The following RGPD4 variants were observed in gnomAD, a reference collection of about 807,000 sequenced individuals.
The protein encoded by RGPD4 is ranBP2-like and GRIP domain-containing protein 4.
In RGPD4, 84 loss-of-function variants were observed where a neutral mutation model predicts 141.1. The observed-to-expected ratio is 0.60, with a 90% CI of 0.50 to 0.71. RGPD4 has a LOEUF of 0.71. Among genes scored for constraint, RGPD4 ranks in the 30% least tolerant of loss-of-function variants. RGPD4 has a pLI of 0.00. For missense variants in RGPD4, 918 were observed against 1,622.4 expected, an observed-to-expected ratio of 0.57 and a Z score of 7.46; for synonymous variants, 298 against 566.8, an observed-to-expected ratio of 0.53 and a Z score of 6.74.
intron 8 of RGPD4, 98 bp downstream of exon 8, chr2:107,854,741 T>G: frequency 6.5e-7 from 1 of 1,539,616 alleles, no homozygotes; most frequent in Non-Finnish European, 8.7e-7. Context: ...GGAGATAATT[T>G]GTCAAAATTA....
At chr2:107,828,707 G>T (rs1484556620) in intron 1 of RGPD4, among the ~76,000 whole-genome samples, 1 of 35,560 alleles carries the variant, frequency 2.8e-5, no homozygotes, top group East Asian at 4.8e-4. Flanking sequence ...CAGCGGCCTC[G>T]ACCTGGCCGG....
In RGPD4 at chr2:107,856,532, C is replaced by CT. The variant is rs1457786461; in HGVS notation, c.1067-222dup. On this transcript the variant is annotated intron_variant, in intron 8 of 22. Coordinates refer to ENST00000408999, the MANE Select transcript of RGPD4 (RefSeq NM_182588.3). ...TGGCATTTTTCATACACATTCCTGT[C>CT]TTTTTTCCCCCTTCTGCTGTCTTAT... Among the ~76,000 whole-genome samples the CT allele has an allele frequency of 2.0e-5, 3 of 152,408 alleles. No individual in the cohort carries two copies. In the South Asian group the frequency reaches 6.2e-4, roughly 32 times the overall value.
At position 107,846,477 on chromosome 2, in the gene RGPD4, T is replaced by G. The variant is rs576534654; in HGVS notation, c.783-1864T>G. Among the ~76,000 whole-genome samples the G allele has an allele frequency of 2.6e-3, 395 of 151,922 alleles. 6 individuals are homozygous for G. The highest frequency in any genetic ancestry group is 8.3e-3 in the African/African-American group (342 of 41,230). On this transcript the variant is annotated intron_variant, in intron 6 of 22. Coordinates refer to ENST00000408999, the MANE Select transcript of RGPD4 (RefSeq NM_182588.3). ...ACTGTGTGTTAATAATTATAGCTTTTTTTTTTGAGACGGAGTTTTGCTCTT... is the reference window on the plus strand; with the variant it reads ...ACTGTGTGTTAATAATTATAGCTTTGTTTTTTGAGACGGAGTTTTGCTCTT...
chr2:107,854,744 C>G, intron 8 of RGPD4, 101 bp downstream of exon 8: 1 of 1,527,562 alleles, frequency 6.5e-7, no homozygotes, highest in Non-Finnish European at 8.8e-7. Context: ...GATAATTTGT[C>G]AAAATTATTT....
chr2:107,871,927 A>G lies in RGPD4; in HGVS notation c.3923A>G (p.Lys1308Arg). The G allele has an allele frequency of 6.2e-7, 1 of 1,611,588 alleles. No individual in the cohort carries two copies. The highest frequency in any genetic ancestry group is 8.5e-7 in the Non-Finnish European group (1 of 1,179,846). Residue 1308 changes from lysine to arginine, a missense_variant, in exon 20 of 23, where the codon AAG (lysine) becomes AGG (arginine). Physicochemically the swap from Lys to Arg is conservative, Grantham distance 26. Transcript: ENST00000408999. ...TTGAGTCCATCTAAGTCTCCTGCCA[A>G]GTTGAATCAGAGTGGGACTTCAGTT... ...SALSPSKSPAKLNQSGTSVGT... is the reference protein window; with the variant it reads ...SALSPSKSPARLNQSGTSVGT...
At chr2:107,865,052 TCAG>T (rs1558809560) in intron 17 of RGPD4, among the ~76,000 whole-genome samples, 1 of 135,132 alleles carries the variant, frequency 7.4e-6, no homozygotes, top group African/African-American at 2.8e-5. Context: ...TTAGTTTTCT[TCAG>T]CAGAGATCAG....
chr2:107,884,430 T>C (rs1675455084), intron 22 of RGPD4, among the ~76,000 whole-genome samples: 2 of 151,176 alleles, frequency 1.3e-5, no homozygotes, highest in African/African-American at 4.9e-5. Context: ...ATAACAATTA[T>C]ATATATAAAT....
At chr2:107,881,466 C>T (rs1250981358) in intron 21 of RGPD4, among the ~76,000 whole-genome samples, 5 of 151,834 alleles carry the variant, frequency 3.3e-5, no homozygotes, top group African/African-American at 4.9e-5. Flanking sequence ...TGCAGGCACG[C>T]ACCACCATGC....
chr2:107,849,059 T>G (rs1682038785), intron 7 of RGPD4, among the ~76,000 whole-genome samples: 1 of 124,370 alleles, frequency 8.0e-6, no homozygotes, highest in Non-Finnish European at 1.7e-5. Flanking sequence ...TATTTTTTAT[T>G]TTTTTATTTT....
chr2:107,832,528 G>A (rs558547447), intron 1 of RGPD4, among the ~76,000 whole-genome samples: 5 of 116,328 alleles, frequency 4.3e-5, no homozygotes, highest in Admixed American at 1.6e-4. Flanking sequence ...CACAACCTCC[G>A]CCTCCCGGGT....
intron 6 of RGPD4, among the ~76,000 whole-genome samples, chr2:107,846,226 G>A (rs1254072094): frequency 6.7e-6 from 1 of 149,366 alleles, no homozygotes; most frequent in South Asian, 2.1e-4. Flanking sequence ...GCGCCCGGCT[G>A]GTCTCGATCT....
Position 107,854,056 on chromosome 2 carries a change from T to C in RGPD4, c.979-500T>C, listed in dbSNP as rs1013807868. Among the ~76,000 whole-genome samples, 27 of 136,996 alleles carry C rather than the reference T, an allele frequency of 2.0e-4. 1 individual carries two copies. In the Middle Eastern group the frequency reaches 0.012, roughly 62 times the overall value. 89.9% of individuals were successfully genotyped at this position (136,996 alleles called of 152,430 possible). On this transcript the variant is annotated intron_variant, in intron 7 of 22. Transcript: ENST00000408999. ...GAGCCAACATGTCTGGCCCCTCTCTTTTTTTTTTTTTTTTTTGCGATGGAG... is the reference window on the plus strand; with the variant it reads ...GAGCCAACATGTCTGGCCCCTCTCTCTTTTTTTTTTTTTTTTGCGATGGAG...
intron 6 of RGPD4, among the ~76,000 whole-genome samples, chr2:107,847,804 G>A (rs1488164958): frequency 5.4e-5 from 4 of 73,810 alleles, no homozygotes; most frequent in Non-Finnish European, 7.4e-5. Context: ...CAGCCCAGGC[G>A]ATAGTGAGAG....
At position 107,883,234 on chromosome 2, in the gene RGPD4, C is replaced by A. The variant is rs10169113; in HGVS notation, c.5266+361C>A. On this transcript the variant is annotated intron_variant, in intron 22 of 22. Transcript: ENST00000408999. ...AGCTTGTTCCTTTTCTACTTCACCC[C>A]TCTTCCTTCCTCCAACCCCAAATAG... The A allele has an allele frequency of 5.2e-3, 2,289 of 439,618 alleles. 81 individuals are homozygous for A. Among genetic ancestry groups the A allele is most frequent in the African/African-American group, 0.043 (2,107 of 49,158 alleles). The allele number at this position is 439,618 out of a possible 1,614,324, so 27.2% of individuals were successfully genotyped here.
At chr2:107,844,642 T>A (rs1206035941) in intron 6 of RGPD4, among the ~76,000 whole-genome samples, 3 of 129,904 alleles carry the variant, frequency 2.3e-5, no homozygotes, top group Non-Finnish European at 3.3e-5. Context: ...CCTAAATTGG[T>A]AGGGTAAGAA....
At chr2:107,836,801 C>T (rs1681680700) in intron 2 of RGPD4, 132 bp downstream of exon 2, 1 of 412,430 alleles carries the variant, frequency 2.4e-6, no homozygotes, top group Admixed American at 4.8e-5. Context: ...ATTTATCACT[C>T]AGACTGATGC....
intron 6 of RGPD4, among the ~76,000 whole-genome samples, chr2:107,844,472 A>G (rs1681845451): frequency 6.6e-6 from 1 of 152,244 alleles, no homozygotes; most frequent in Non-Finnish European, 1.5e-5. Flanking sequence ...GTAAAGCCAG[A>G]TTAGTAATCT....
intron 9 of RGPD4, among the ~76,000 whole-genome samples, chr2:107,858,451 T>G (rs202061179): frequency 0.089 from 5,871 of 66,074 alleles, no homozygotes; most frequent in Middle Eastern, 0.14. Flanking sequence ...TTCTTTTCTT[T>G]TTTTTGAGAC....
chr2:107,849,362 CTT>C (rs60901392), intron 7 of RGPD4, among the ~76,000 whole-genome samples: 43,334 of 73,174 alleles, frequency 0.59, 11,817 homozygotes, highest in Middle Eastern at 0.76. Context: ...CGCGCCTGGC[CTT>C]TTTTTTTTTT....
Sources: gnomAD v4.1 joint callset for allele counts (sites outside exome capture counted in the v4.1 genomes callset) on GRCh38, gnomAD v4.1.1 for gene constraint, MANE v1.5 for transcripts, NCBI Gene and HGNC (gene_info 2026-07-23, HGNC 2026-07-21) for gene names.